Variants in USP34 observed in about 807,000 individuals in gnomAD.
The protein encoded by USP34 is ubiquitin carboxyl-terminal hydrolase 34.
USP34 carries 70 observed loss-of-function variants against 460.3 expected under a neutral mutation model. The ratio of observed to expected loss-of-function variants is 0.15; its 90% confidence interval spans 0.13 to 0.19. The LOEUF is 0.19. Among genes scored for constraint, USP34 ranks in the 10% least tolerant of loss-of-function variants. USP34 has a pLI of 1.00. For missense variants in USP34, 3,985 were observed against 4,236.2 expected (o/e 0.94, Z 1.65); for synonymous variants, 1,647 against 1,405.3 (o/e 1.17, Z -3.85).
chr2:61,190,700 C>A, intron 76 of USP34, 42 bp from the exon 77 acceptor site: 1 of 1,564,806 alleles, frequency 6.4e-7, no homozygotes, highest in Non-Finnish European at 8.6e-7. Flanking sequence ...CGGTTGAGCA[C>A]GGAAAAAACT....
At chr2:61,468,521 T>C (rs1040317028) in intron 1 of USP34, among the ~76,000 whole-genome samples, 21 of 152,360 alleles carry the variant, frequency 1.4e-4, no homozygotes, top group Middle Eastern at 3.4e-3. Context: ...TGTGAGATTA[T>C]TGTTTAAGAG....
chr2:61,256,899 G>A lies in USP34; in HGVS notation c.6100C>T (p.Gln2034Ter). 1 of 1,564,494 alleles carries A rather than the reference G, an allele frequency of 6.4e-7. No homozygotes were observed. Among genetic ancestry groups the A allele is most frequent in the South Asian group, 1.3e-5 (1 of 79,862 alleles). ...TAEEFYTVRC[Q>*]VADMKNIYES... Reference sequence around the variant, plus strand: ...TAAATGTTCTTCATATCAGCCACTTGGCACCTCACAGTATAAAACTCTTCA... The same window carrying A: ...TAAATGTTCTTCATATCAGCCACTTAGCACCTCACAGTATAAAACTCTTCA... The change falls in exon 47 of 80, where the codon CAA becomes TAA. Residue 2034 changes from glutamine (Q) to a stop codon, truncating the protein, a stop_gained. Transcript: ENST00000398571. LOFTEE classifies it high-confidence loss of function.
intron 1 of USP34, among the ~76,000 whole-genome samples, chr2:61,441,939 G>A (rs1193561469): frequency 6.6e-6 from 1 of 151,446 alleles, no homozygotes; most frequent in African/African-American, 2.4e-5. Flanking sequence ...ATAAACCAAC[G>A]GAACAGAACA....
intron 1 of USP34, among the ~76,000 whole-genome samples, chr2:61,446,200 T>C (rs1175639655): frequency 6.6e-6 from 1 of 152,064 alleles, no homozygotes; most frequent in East Asian, 1.9e-4. Flanking sequence ...ATTCCATATT[T>C]TCCACCAAAA....
chr2:61,242,003 CT>C (rs1332150889), intron 51 of USP34, among the ~76,000 whole-genome samples, 184 bp from the exon 52 acceptor site: 1 of 151,630 alleles, frequency 6.6e-6, no homozygotes, highest in African/African-American at 2.4e-5. Flanking sequence ...ATCCTAATAT[CT>C]TTTTTTTAGT....
intron 2 of USP34, among the ~76,000 whole-genome samples, chr2:61,417,833 C>T (rs1435094503): frequency 6.7e-6 from 1 of 150,050 alleles, no homozygotes; most frequent in South Asian, 2.1e-4. Flanking sequence ...CCTCTGCCTC[C>T]CGGGTTCAAA....
At chr2:61,235,631 G>C (rs1262521123) in intron 57 of USP34, among the ~76,000 whole-genome samples, 4 of 151,990 alleles carry the variant, frequency 2.6e-5, no homozygotes, top group Non-Finnish European at 4.4e-5. Flanking sequence ...GCCAAAACAT[G>C]AATTTTTAAG....
chr2:61,275,763 G>A (rs529989579), intron 41 of USP34, among the ~76,000 whole-genome samples: 23 of 152,296 alleles, frequency 1.5e-4, no homozygotes, highest in African/African-American at 5.1e-4. Flanking sequence ...GCCAAGTGAA[G>A]AGTAAGTGAC....
chr2:61,375,676 G>A (rs1050461019), intron 8 of USP34, among the ~76,000 whole-genome samples: 2 of 150,352 alleles, frequency 1.3e-5, no homozygotes, highest in Non-Finnish European at 3.0e-5. Context: ...GGCTGAAGCA[G>A]GAGAATGGCG....
chr2:61,463,341 A>G (rs993647771), intron 1 of USP34, among the ~76,000 whole-genome samples: 69 of 152,224 alleles, frequency 4.5e-4, no homozygotes, highest in South Asian at 8.3e-4. Context: ...TCAAAAATCA[A>G]AAAATTTGAA....
At chr2:61,194,369 G>C (rs528744587) in intron 75 of USP34, among the ~76,000 whole-genome samples, 143 of 152,238 alleles carry the variant, frequency 9.4e-4, no homozygotes, top group Non-Finnish European at 1.7e-3. Context: ...CTATAGGGAA[G>C]AGAGTTCCTA....
At chr2:61,385,262 TGTGAAGATAATA>T (rs760372254) in intron 5 of USP34, among the ~76,000 whole-genome samples, 2 of 152,190 alleles carry the variant, frequency 1.3e-5, no homozygotes, top group Non-Finnish European at 2.9e-5. Flanking sequence ...CCATATTTAT[TGTGAAGATAATA>T]GTTCTCCCGA....
rs550722386 is a variant in USP34 at position 61,257,688 on chromosome 2, A to G, written c.5845-338T>C. Among the ~76,000 whole-genome samples, 427 of 151,850 alleles carry G rather than the reference A, an allele frequency of 2.8e-3. 1 individual carries two copies. The highest frequency in any genetic ancestry group is 9.6e-3 in the African/African-American group (398 of 41,404). ...CCGAAGCAGGCGGATTATGAGGTCAAGAGATTGAGACCATCCTGGCCATCC... is the reference window on the plus strand; with the variant it reads ...CCGAAGCAGGCGGATTATGAGGTCAGGAGATTGAGACCATCCTGGCCATCC... On this transcript the variant is annotated intron_variant, in intron 44 of 79. Coordinates refer to ENST00000398571, the MANE Select transcript of USP34 (RefSeq NM_014709.4).
chr2:61,401,698 G>A (rs1264085400), intron 3 of USP34, among the ~76,000 whole-genome samples: 2 of 149,290 alleles, frequency 1.3e-5, no homozygotes, highest in East Asian at 2.0e-4. Flanking sequence ...ACAGGCACCC[G>A]CTACCACGCC....
Position 61,402,939 on chromosome 2 carries a change from C to T in USP34, c.552+2769G>A, listed in dbSNP as rs140542727. The stretch of plus-strand genomic sequence containing the variant: ...ACCATTTGAAACAGTTGACCCTTAC[C>T]GCATTTAATTAAATGGCCACTGGGA... On this transcript the variant is annotated intron_variant, in intron 3 of 79. Coordinates refer to ENST00000398571, the MANE Select transcript of USP34 (RefSeq NM_014709.4). Among the ~76,000 whole-genome samples, 44 of 152,124 alleles carry T rather than the reference C, an allele frequency of 2.9e-4. No individual in the cohort carries two copies. In the East Asian group the frequency reaches 8.1e-3, roughly 28 times the overall value.
At chr2:61,470,573 G>A (rs553297288) in intron 1 of USP34, 77 bp downstream of exon 1, 7 of 1,045,492 alleles carry the variant, frequency 6.7e-6, no homozygotes, top group African/African-American at 3.3e-5. Context: ...GCAGGCCGCG[G>A]CAGCCCGGGG....
At chr2:61,423,160 C>T (rs1389055877) in intron 1 of USP34, among the ~76,000 whole-genome samples, 1 of 152,216 alleles carries the variant, frequency 6.6e-6, no homozygotes, top group Non-Finnish European at 1.5e-5. Context: ...TTTGCCCAGG[C>T]TGGAGTGCAG....
chr2:61,415,448 C>G (rs570037459), intron 2 of USP34, among the ~76,000 whole-genome samples: 2 of 152,110 alleles, frequency 1.3e-5, no homozygotes, highest in South Asian at 4.1e-4. Context: ...ATTTTTAGAA[C>G]TACCCTAAGA....
In USP34 at chr2:61,277,922, T is replaced by G. The variant is rs899876890; in HGVS notation, c.5433+243A>C. 6.8e-6 allele frequency: 3 copies of G among 439,178 alleles called. No homozygotes were observed. In the East Asian group the frequency reaches 1.2e-4, roughly 17 times the overall value. The allele number at this position is 439,178 out of a possible 1,614,324, so 27.2% of individuals were successfully genotyped here. A position where few individuals can be genotyped will look rare whatever the true frequency, so the allele number is the denominator to read the frequency against. On this transcript the variant is annotated intron_variant, in intron 41 of 79. Transcript: ENST00000398571. ...GCTTTCGCTTGGTTCTCATTCTTTT[T>G]TTGCCTGCCGCCATCCACATAAGAT...
Sources: allele counts gnomAD v4.1 joint callset (sites outside exome capture counted in the v4.1 genomes callset), GRCh38; gene constraint gnomAD v4.1.1; transcripts MANE v1.5; gene names NCBI Gene and HGNC (gene_info 2026-07-23, HGNC 2026-07-21).